Variants in ARHGAP42 observed in about 807,000 individuals in gnomAD.
ARHGAP42 encodes the protein Rho GTPase activating protein 42, also known as rho GTPase-activating protein 42.
A neutral mutation model predicts 125.0 loss-of-function variants in ARHGAP42; 63 were observed. That is an observed-to-expected ratio of 0.50 (90% confidence interval 0.41 to 0.62). ARHGAP42 has a LOEUF of 0.62. Ranked by LOEUF, ARHGAP42 falls within the 20% of genes least tolerant of loss-of-function variation. The pLI is 0.00. For missense variants in ARHGAP42, 766 were observed against 1,024.2 expected (o/e 0.75, Z 3.44); for synonymous variants, 339 against 351.0 (o/e 0.97, Z 0.38).
chr11:100,815,250 C>G (rs1380762007), intron 3 of ARHGAP42, among the ~76,000 whole-genome samples: 1 of 152,158 alleles, frequency 6.6e-6, no homozygotes, highest in Non-Finnish European at 1.5e-5. Flanking sequence ...GCCTTTGTTT[C>G]ATAGACATCC....
intron 3 of ARHGAP42, among the ~76,000 whole-genome samples, chr11:100,813,645 T>C (rs1225478217): frequency 6.6e-6 from 1 of 152,216 alleles, no homozygotes; most frequent in Non-Finnish European, 1.5e-5. Flanking sequence ...GGGTCCGCCA[T>C]GTGGTTAACA....
At chr11:100,798,643 G>A (rs961283193) in intron 3 of ARHGAP42, among the ~76,000 whole-genome samples, 2 of 151,980 alleles carry the variant, frequency 1.3e-5, no homozygotes, top group Admixed American at 6.6e-5. Context: ...CATGTGACTT[G>A]CTTTATTTAT....
intron 1 of ARHGAP42, among the ~76,000 whole-genome samples, chr11:100,710,144 T>C (rs1349612168): frequency 2.0e-5 from 3 of 152,228 alleles, no homozygotes; most frequent in African/African-American, 7.2e-5. Flanking sequence ...CATATTTCTT[T>C]TGGGGTTCTA....
chr11:100,712,471 C>T (rs1382853638), intron 1 of ARHGAP42, among the ~76,000 whole-genome samples: 4 of 151,930 alleles, frequency 2.6e-5, no homozygotes, highest in South Asian at 4.2e-4. Flanking sequence ...GAAAGAAATG[C>T]GGTGTGCAAA....
chr11:100,960,828 T>C (rs951696572), intron 13 of ARHGAP42, 87 bp from the exon 14 acceptor site: 1 of 761,848 alleles, frequency 1.3e-6, no homozygotes, highest in Admixed American at 3.7e-5. Flanking sequence ...CTTTCAAATT[T>C]TGTTAGGCAT....
chr11:100,925,707 C>T (rs964594433), intron 6 of ARHGAP42, among the ~76,000 whole-genome samples: 8 of 152,188 alleles, frequency 5.3e-5, no homozygotes, highest in Middle Eastern at 3.4e-3. Flanking sequence ...CACTGCTCTC[C>T]GGCCTAGGTG....
chr11:100,965,909 G>A, intron 17 of ARHGAP42, 133 bp downstream of exon 17: 1 of 764,494 alleles, frequency 1.3e-6, no homozygotes, highest in South Asian at 1.9e-5. Flanking sequence ...TTAAAAAATA[G>A]TATGGCAGTT....
At chr11:100,778,669 TA>T (rs1214482821) in intron 2 of ARHGAP42, among the ~76,000 whole-genome samples, 1 of 151,988 alleles carries the variant, frequency 6.6e-6, no homozygotes, top group South Asian at 2.1e-4. Context: ...GTTCCTCTCT[TA>T]AAAAAAACAC....
chr11:100,941,921 G>C (rs1207199594), intron 9 of ARHGAP42, 37 bp downstream of exon 9: 2 of 1,388,506 alleles, frequency 1.4e-6, no homozygotes, highest in African/African-American at 1.5e-5. Flanking sequence ...TTTTTAAACT[G>C]TTCATTATTT....
At chr11:100,871,807 G>A (rs927122975) in intron 4 of ARHGAP42, among the ~76,000 whole-genome samples, 23 of 152,138 alleles carry the variant, frequency 1.5e-4, no homozygotes, top group African/African-American at 5.1e-4. Flanking sequence ...GCAATGGCAC[G>A]ATCTTGGCTC....
intron 1 of ARHGAP42, among the ~76,000 whole-genome samples, chr11:100,761,236 C>T (rs1862694467): frequency 6.6e-6 from 1 of 152,100 alleles, no homozygotes; most frequent in Non-Finnish European, 1.5e-5. Flanking sequence ...ATAACACAGA[C>T]AGTACTTTAC....
intron 3 of ARHGAP42, among the ~76,000 whole-genome samples, chr11:100,825,015 A>G (rs1381326462): frequency 2.0e-5 from 3 of 152,228 alleles, no homozygotes; most frequent in African/African-American, 7.2e-5. Context: ...CATTGGGAGT[A>G]TGGTGCATTC....
chr11:100,828,073 GT>G (rs1230353189), intron 3 of ARHGAP42, among the ~76,000 whole-genome samples: 3 of 152,182 alleles, frequency 2.0e-5, no homozygotes, highest in Non-Finnish European at 4.4e-5. Flanking sequence ...AAAATGGGAA[GT>G]AAAAGTCATG....
chr11:100,790,540 A>AT (rs1447002584), intron 2 of ARHGAP42, among the ~76,000 whole-genome samples: 1 of 152,222 alleles, frequency 6.6e-6, no homozygotes. Flanking sequence ...TATAGTCAGG[A>AT]AAGTTTCATG....
chr11:100,960,392 A>G, intron 13 of ARHGAP42, among the ~76,000 whole-genome samples: 1 of 152,108 alleles, frequency 6.6e-6, no homozygotes, highest in East Asian at 1.9e-4. Flanking sequence ...CACTCCAGTT[A>G]AACTTTAAAC....
intron 22 of ARHGAP42, among the ~76,000 whole-genome samples, chr11:100,985,597 A>G (rs1858657882): frequency 6.6e-6 from 1 of 152,180 alleles, no homozygotes; most frequent in South Asian, 2.1e-4. Flanking sequence ...ACAGTTCTTT[A>G]AAGTCCTGTC....
In ARHGAP42 at chr11:100,746,826, G is replaced by A. The variant is rs568057852; in HGVS notation, c.155-23517G>A. Among the ~76,000 whole-genome samples the A allele has an allele frequency of 2.6e-5, 4 of 152,272 alleles. No individual in the cohort carries two copies. In the East Asian group the frequency reaches 7.7e-4, roughly 29 times the overall value. On this transcript the variant is annotated intron_variant, in intron 1 of 23. Coordinates refer to ENST00000298815, the MANE Select transcript of ARHGAP42 (RefSeq NM_152432.4). ...AGTAATGGATATAAGCACTGGGTAAGGAAAGGAAAGGAAAAGAGAGGTAGA... is the reference window on the plus strand; with the variant it reads ...AGTAATGGATATAAGCACTGGGTAAAGAAAGGAAAGGAAAAGAGAGGTAGA...
chr11:100,757,279 T>C (rs1048356009), intron 1 of ARHGAP42, among the ~76,000 whole-genome samples: 57 of 152,304 alleles, frequency 3.7e-4, no homozygotes, highest in African/African-American at 1.3e-3. Context: ...AGAGGGTTGA[T>C]TTTGACATGG....
At chr11:100,871,853 C>T (rs923312509) in intron 4 of ARHGAP42, among the ~76,000 whole-genome samples, 7 of 152,166 alleles carry the variant, frequency 4.6e-5, no homozygotes, top group Admixed American at 3.9e-4. Flanking sequence ...AAGCAACTCT[C>T]CTGCTTCAGC....
Sources: allele counts gnomAD v4.1 joint callset (sites outside exome capture counted in the v4.1 genomes callset), GRCh38; gene constraint gnomAD v4.1.1; transcripts MANE v1.5; gene names NCBI Gene and HGNC (gene_info 2026-07-23, HGNC 2026-07-21).